Variants in PLEKHN1 observed in about 807,000 individuals in gnomAD.
PLEKHN1 encodes the protein pleckstrin homology domain-containing family N member 1.
Under a neutral mutation model 72.8 loss-of-function variants are expected in PLEKHN1, and 68 were observed. The ratio of observed to expected loss-of-function variants is 0.93; its 90% CI spans 0.77 to 1.14. The LOEUF is 1.14. Among genes scored for constraint, PLEKHN1 ranks in the 50% most tolerant of loss-of-function variants. The probability of loss-of-function intolerance (pLI) is 0.00; values close to 1 mark genes in which losing one functional copy is unlikely to be tolerated. For synonymous variants in PLEKHN1, 454 were observed against 371.6 expected (o/e 1.22, Z -2.55); for missense variants, 1,015 against 840.5 (o/e 1.21, Z -2.57).
chr1:974,124 G>T (rs1221024949), intron 14 of PLEKHN1, 73 bp downstream of exon 14: 27 of 1,495,442 alleles, frequency 1.8e-5, no homozygotes, highest in Non-Finnish European at 2.3e-5. Context: ...GGCCTCTTGG[G>T]ACTCTGAGGG....
rs1473428427 is a variant in PLEKHN1 at position 972,941 on chromosome 1, C to A, written c.1083C>A (p.Thr361=). The A allele has an allele frequency of 6.4e-7, 1 of 1,567,846 alleles. No individual in the cohort carries two copies. ...CGGGGTGCTTGGCGCCCCCCTCCAC[C>A]CGCACCAGCCACTCCCTGCCTGAGT... ...WDSGCLAPPS[T]RTSHSLPESS... The change falls in exon 11 of 16, where the codon ACC becomes ACA. Residue 361 remains threonine (T), a synonymous_variant. Coordinates refer to ENST00000379410, the MANE Select transcript of PLEKHN1 (RefSeq NM_032129.3).
Position 966,731 on chromosome 1 carries a change from C to T in PLEKHN1, c.111C>T (p.Gly37=), listed in dbSNP as rs1369738823. 1.9e-6 allele frequency: 3 copies of T among 1,573,280 alleles called. No individual in the cohort carries two copies. Among genetic ancestry groups the T allele is most frequent in the African/African-American group, 2.7e-5 (2 of 73,852 alleles). Residue 37 remains glycine, a synonymous_variant, in exon 2 of 16, where the codon GGC becomes GGT. Coordinates refer to ENST00000379410, the MANE Select transcript of PLEKHN1 (RefSeq NM_032129.3). The part of the protein sequence containing the change: ...NREDSARMSA[G]LPGPEAARSG... ...AGGACAGCGCGCGGATGTCGGCCGG[C>T]CTGCCGGGCCCCGAGGCTGCTCGAA...
At chr1:971,898 G>C (rs990604305) in intron 8 of PLEKHN1, among the ~76,000 whole-genome samples, 177 bp from the exon 9 acceptor site, 3 of 151,162 alleles carry the variant, frequency 2.0e-5, no homozygotes, top group African/African-American at 7.4e-5. Context: ...CCCCGCGCCA[G>C]GGTTGGTGGT....
chr1:975,721 C>A lies in PLEKHN1; in HGVS notation c.*1146C>A, dbSNP rs3748588. 4.6e-4 allele frequency: 75 copies of A among 162,174 alleles called. No individual in the cohort carries two copies. The highest frequency in any genetic ancestry group is 1.7e-3 in the African/African-American group (72 of 41,628). 10.0% of individuals were successfully genotyped at this position (162,174 alleles called of 1,614,324 possible). A position where few individuals can be genotyped will look rare whatever the true frequency, so the allele number is the denominator to read the frequency against. On this transcript the variant is annotated 3_prime_UTR_variant, in exon 16 of 16. Coordinates refer to ENST00000379410, the MANE Select transcript of PLEKHN1 (RefSeq NM_032129.3). ...CCCTGCCTCTGCCCAGAGCTCCAGCCGGAGTGTCTTGCTGCTCAGACCCCT... is the reference window on the plus strand; with the variant it reads ...CCCTGCCTCTGCCCAGAGCTCCAGCAGGAGTGTCTTGCTGCTCAGACCCCT...
rs746247072 is a variant in PLEKHN1, at chr1:970,567, TC to T, written c.379del (p.Gln127ArgfsTer16). The T allele has an allele frequency of 6.2e-7, 1 of 1,612,990 alleles. No homozygotes were observed. The highest frequency in any genetic ancestry group is 8.5e-7 in the Non-Finnish European group (1 of 1,179,936). On this transcript the variant is annotated frameshift_variant, in exon 4 of 16. Transcript: ENST00000379410. LOFTEE classifies it high-confidence loss of function. This position sits in a 1 kb window ranked among gnomAD's most constrained non-coding sequence, Gnocchi z 4.2. ...GAGCTATTCCCCGCCCACCTGTACT[TC>T]CAGGCCCACGGCTCGGAAGGACTCA... ...YLELFPAHLY[F>X]QAHGSEGLTF...
chr1:972,229 T>C (rs79890672), intron 9 of PLEKHN1, 59 bp from the exon 10 acceptor site: 42,273 of 1,601,492 alleles, frequency 0.026, 1,430 homozygotes, highest in East Asian at 0.17. Context: ...CCCGACTCTT[T>C]AGTGGGGGCG....
intron 7 of PLEKHN1, 21 bp from the exon 8 acceptor site, chr1:971,303 A>AGG: frequency 6.7e-7 from 1 of 1,495,402 alleles, no homozygotes; most frequent in Non-Finnish European, 9.1e-7. Flanking sequence ...TCATCGCCTG[A>AGG]CCCCACCCCC....
At position 974,321 on chromosome 1, in the gene PLEKHN1, C is replaced by T; in HGVS notation, c.1659C>T (p.Ser553=). The T allele has an allele frequency of 6.2e-7, 1 of 1,612,960 alleles. No homozygotes were observed. Among genetic ancestry groups the T allele is most frequent in the Non-Finnish European group, 8.5e-7 (1 of 1,180,008 alleles). ...PQPPDAPQLV[S]SAREGSPEPW... is the part of the protein sequence containing the mutation. ...CTTGCGGTTTGGGGTTCCAGGTCTC[C>T]TCTGCCAGGGAAGGTTCGCCCGAAC... Residue 553 remains serine (S), a synonymous_variant, in exon 15 of 16, where the codon TCC becomes TCT. Transcript: ENST00000379410.
chr1:968,597 C>T (rs1405160893), intron 2 of PLEKHN1, among the ~76,000 whole-genome samples: 1 of 152,218 alleles, frequency 6.6e-6, no homozygotes. Context: ...CTCCCATTCC[C>T]ACGGCAGAGA....
In PLEKHN1 at chr1:975,258, G is replaced by A. The variant is rs1337343394; in HGVS notation, c.*683G>A. On this transcript the variant is annotated 3_prime_UTR_variant, in exon 16 of 16. Transcript: ENST00000379410. ...CCATGTGTTCTCTGCTCAGCAGCCA[G>A]GGTCTCCCACAGTCTTGAGGACCCC... 1.3e-5 allele frequency: 2 copies of A among 152,464 alleles called. No individual in the cohort carries two copies. The highest frequency in any genetic ancestry group is 1.9e-4 in the East Asian group (1 of 5,206). 9.4% of individuals were successfully genotyped at this position (152,464 alleles called of 1,614,324 possible). A position where few individuals can be genotyped will look rare whatever the true frequency, so the allele number is the denominator to read the frequency against.
At chr1:971,803 T>G (rs1377496301) in intron 8 of PLEKHN1, among the ~76,000 whole-genome samples, 1 of 152,208 alleles carries the variant, frequency 6.6e-6, no homozygotes, top group Non-Finnish European at 1.5e-5. Flanking sequence ...GCCCTCCCCA[T>G]GGTTCACCCG....
chr1:973,611 A>G lies in PLEKHN1; in HGVS notation c.1405A>G (p.Arg469Gly), dbSNP rs757184003. The change falls in exon 13 of 16, where the codon AGG becomes GGG. Residue 469 changes from arginine to glycine, a missense_variant. By Grantham distance (125) the Arg-to-Gly change is moderately radical. Coordinates refer to ENST00000379410, the MANE Select transcript of PLEKHN1 (RefSeq NM_032129.3). The part of the protein sequence containing the change: ...PYTPPATSHR[R>G]VTDVRGLEEF... The stretch of plus-strand genomic sequence containing the variant: ...CACACCACCCGCCACCTCCCACCGC[A>G]GGGTCACAGATGTCCGGGGCCTGGA... 3 of 1,612,960 alleles carry G rather than the reference A, an allele frequency of 1.9e-6. No individual in the cohort carries two copies. Among genetic ancestry groups the G allele is most frequent in the Non-Finnish European group, 8.5e-7 (1 of 1,179,964 alleles).
rs374323229 is a variant in PLEKHN1 at position 970,975 on chromosome 1, G to A, written c.581G>A (p.Gly194Glu). The change falls in exon 6 of 16, where the codon GGG (glycine) becomes GAG (glutamate). Residue 194 changes from glycine (G) to glutamate (E), a missense_variant. Gly to Glu is a moderately conservative substitution (Grantham distance 98). Coordinates refer to ENST00000379410, the MANE Select transcript of PLEKHN1 (RefSeq NM_032129.3). This position sits in a 1 kb window ranked among gnomAD's most constrained non-coding sequence, Gnocchi z 4.2. ...HLEKQTALLG[G>E]PRRCHSAPPQ... The stretch of plus-strand genomic sequence containing the variant: ...GAGAAGCAGACGGCCCTCCTCGGGG[G>A]GCCGCGGCGCTGCCACTCGGCACCC... 1.6e-5 allele frequency: 26 copies of A among 1,605,718 alleles called. No homozygotes were observed. Among genetic ancestry groups the A allele is most frequent in the Middle Eastern group, 1.7e-4 (1 of 6,042 alleles).
rs759586166 is a variant in PLEKHN1, at chr1:973,644, A to G, written c.1434+4A>G. On this transcript the variant is annotated splice_donor_region_variant and intron_variant, in intron 13 of 15. Coordinates refer to ENST00000379410, the MANE Select transcript of PLEKHN1 (RefSeq NM_032129.3). ...AGATGTCCGGGGCCTGGAGGAGGTC[A>G]GGCCCCTGCTGGGTGACAGAAAGGG... 6.2e-7 allele frequency: 1 copy of G among 1,611,986 alleles called. No individual in the cohort carries two copies. Among genetic ancestry groups the G allele is most frequent in the Non-Finnish European group, 8.5e-7 (1 of 1,179,818 alleles).
At position 973,888 on chromosome 1, in the gene PLEKHN1, C is replaced by T. The variant is rs140958781; in HGVS notation, c.1490C>T (p.Ser497Leu). Residue 497 changes from serine (S) to leucine (L), a missense_variant, in exon 14 of 16, where the codon TCG becomes TTG. By Grantham distance (145) the Ser-to-Leu change is moderately radical. Transcript: ENST00000379410. ...CCCACGCCCTCGAGCCCACTCCCCT[C>T]GGTGCCTGTGTCTGTGCCTGCCTCT... ...RGPTPSSPLP[S>L]VPVSVPASDP... 460 of 1,611,046 alleles carry T rather than the reference C, an allele frequency of 2.9e-4. No homozygotes were observed. Among genetic ancestry groups the T allele is most frequent in the Non-Finnish European group, 3.6e-4 (423 of 1,179,918 alleles).
At position 974,536 on chromosome 1, in the gene PLEKHN1, A is replaced by T. The variant is rs1296429171; in HGVS notation, c.1797A>T (p.Gly599=). ...CCCACCAGAAGTGCCCCCAGCTTGG[A>T]GGGCCTGAGGCCAGTGGGGGGCTTG... ...SSSHQKCPQL[G]GPEASGGLVQ... Residue 599 remains glycine, a synonymous_variant, in exon 16 of 16, where the codon GGA becomes GGT. Transcript: ENST00000379410. 2 of 1,612,388 alleles carry T rather than the reference A, an allele frequency of 1.2e-6. No homozygotes were observed.
chr1:971,152 C>G lies in PLEKHN1; in HGVS notation c.652C>G (p.Pro218Ala). The G allele has an allele frequency of 2.5e-6, 4 of 1,600,314 alleles. No homozygotes were observed. Among genetic ancestry groups the G allele is most frequent in the South Asian group, 1.1e-5 (1 of 88,824 alleles). ...GCTGCGGACGGCGTCAGGGCACGAA[C>G]CCGGCGGCAGTGCTGTCTGTGCCTC... ...TRLRTASGHE[P>A]GGSAVCASRV... is the part of the protein sequence containing the mutation. Residue 218 changes from proline to alanine, a missense_variant, in exon 7 of 16, where the codon CCC becomes GCC. Transcript: ENST00000379410.
intron 2 of PLEKHN1, among the ~76,000 whole-genome samples, 186 bp downstream of exon 2, chr1:966,989 C>T (rs890732758): frequency 1.3e-5 from 2 of 152,212 alleles, no homozygotes; most frequent in African/African-American, 2.4e-5. Flanking sequence ...GAGCGGAGAG[C>T]GAAACCGCGA....
chr1:974,467 G>A lies in PLEKHN1; in HGVS notation c.1728G>A (p.Arg576=). 4.3e-6 allele frequency: 7 copies of A among 1,612,768 alleles called. No homozygotes were observed. Among genetic ancestry groups the A allele is most frequent in the Non-Finnish European group, 5.9e-6 (7 of 1,179,950 alleles). Residue 576 remains arginine (R), a synonymous_variant, in exon 16 of 16, where the codon CGG becomes CGA. Coordinates refer to ENST00000379410, the MANE Select transcript of PLEKHN1 (RefSeq NM_032129.3). ...LTDGRSPRRS[R]DPGYDHLWDE... is the part of the protein sequence containing the mutation. ...ATGGTCGGTCCCCCAGGAGGAGCCG[G>A]GACCCCGGCTACGACCACCTCTGGG... is the stretch of plus-strand genomic sequence containing the variant.
Sources: allele counts gnomAD v4.1 joint callset (sites outside exome capture counted in the v4.1 genomes callset), GRCh38; gene constraint gnomAD v4.1.1; non-coding constraint Gnocchi (gnomAD v3.1); transcripts MANE v1.5; gene names NCBI Gene and HGNC (gene_info 2026-07-23, HGNC 2026-07-21).